Variants in LPO observed in about 807,000 individuals in gnomAD.
LPO encodes the protein salivary peroxidase.
LPO carries 70 observed loss-of-function variants against 68.4 expected under a neutral mutation model. That is an observed-to-expected ratio of 1.02 (90% CI 0.84 to 1.25). The LOEUF is 1.25. Among genes scored for constraint, LPO ranks in the 50% most tolerant of loss-of-function variants. The pLI is 0.00. For synonymous variants in LPO, 360 were observed against 357.6 expected, an observed-to-expected ratio of 1.01 and a Z score of -0.08; for missense variants, 873 against 908.4, an observed-to-expected ratio of 0.96 and a Z score of 0.50.
rs1445870585 is a variant in LPO at position 58,249,101 on chromosome 17, T to G, written c.367T>G (p.Cys123Gly). 6.2e-7 allele frequency: 1 copy of G among 1,614,068 alleles called. No homozygotes were observed. The highest frequency in any genetic ancestry group is 8.5e-7 in the Non-Finnish European group (1 of 1,180,038). The change falls in exon 5 of 13, where the codon TGT becomes GGT. Residue 123 changes from cysteine to glycine, a missense_variant. Transcript: ENST00000262290. ...GACTTCACTGTCTCTGGAGGTGGGC[T>G]GTGGTGCTCCTGCTCCCGTGGTGAG... ...DLTSLSLEVG[C>G]GAPAPVVRCD...
chr17:58,254,660 C>G (rs904502517), intron 8 of LPO, 151 bp from the exon 9 acceptor site: 33 of 659,290 alleles, frequency 5.0e-5, no homozygotes, highest in Non-Finnish European at 8.4e-5. Context: ...TACCCCCTCC[C>G]CATCCCTATT....
chr17:58,265,183 T>C (rs1278044518), intron 10 of LPO, among the ~76,000 whole-genome samples: 2 of 152,202 alleles, frequency 1.3e-5, no homozygotes, highest in Non-Finnish European at 2.9e-5. Flanking sequence ...AAATGAGATA[T>C]ACATGTGGAG....
At chr17:58,261,710 A>G (rs2143937237) in intron 9 of LPO, among the ~76,000 whole-genome samples, 1 of 151,780 alleles carries the variant, frequency 6.6e-6, no homozygotes, top group African/African-American at 2.4e-5. Flanking sequence ...TCTTCCTCTA[A>G]TATTGTTTTT....
At chr17:58,260,102 C>T (rs1970148757) in intron 9 of LPO, among the ~76,000 whole-genome samples, 1 of 152,226 alleles carries the variant, frequency 6.6e-6, no homozygotes, top group African/African-American at 2.4e-5. Context: ...CGTGAGCCAC[C>T]ATGCCCAGCC....
intron 1 of LPO, among the ~76,000 whole-genome samples, chr17:58,239,674 C>A (rs1969718907): frequency 6.6e-6 from 1 of 152,124 alleles, no homozygotes; most frequent in African/African-American, 2.4e-5. Flanking sequence ...TTGGTGACTG[C>A]TCAGCGACAT....
rs562955896 is a variant in LPO, at chr17:58,243,010, C to T, written c.31C>T (p.Leu11=). Residue 11 remains leucine, a synonymous_variant, in exon 2 of 13, where the codon CTG becomes TTG. Coordinates refer to ENST00000262290, the MANE Select transcript of LPO (RefSeq NM_006151.3). MRVLLHLPAL[L]ASLILLQAAA... is the part of the protein sequence containing the mutation. ...GGTCCTTCTCCATCTCCCAGCCCTC[C>T]TGGCTTCCCTCATCTTGCTTCAGGC... is the stretch of plus-strand genomic sequence containing the variant. 2 of 1,614,144 alleles carry T rather than the reference C, an allele frequency of 1.2e-6. No homozygotes were observed. Among genetic ancestry groups the T allele is most frequent in the African/African-American group, 1.3e-5 (1 of 75,072 alleles).
In LPO at chr17:58,252,217, G is replaced by A; in HGVS notation, c.816G>A (p.Gly272=). 2 of 1,614,122 alleles carry A rather than the reference G, an allele frequency of 1.2e-6. No individual in the cohort carries two copies. The highest frequency in any genetic ancestry group is 1.7e-6 in the Non-Finnish European group (2 of 1,180,018). ...ATGACCCCAAGGCGGGGACTCAAGG[G>A]AAATGCATGCCTTTCTTCCGAGCTG... ...PPNDPKAGTQ[G]KCMPFFRAGF... is the part of the protein sequence containing the mutation. Residue 272 remains glycine (G), a synonymous_variant, in exon 8 of 13, where the codon GGG becomes GGA. Coordinates refer to ENST00000262290, the MANE Select transcript of LPO (RefSeq NM_006151.3).
chr17:58,250,682 T>C (rs772522031), intron 7 of LPO, 61 bp downstream of exon 7: 163 of 1,525,978 alleles, frequency 1.1e-4, no homozygotes, highest in Non-Finnish European at 1.3e-4. Flanking sequence ...GTAGCAGACA[T>C]TCCCAGCTCA....
At chr17:58,249,515 G>A (rs1375897287) in intron 5 of LPO, 51 bp from the exon 6 acceptor site, 1 of 1,584,334 alleles carries the variant, frequency 6.3e-7, no homozygotes, top group East Asian at 2.3e-5. Flanking sequence ...CTGGGCTTTG[G>A]AGCCCCGGAG....
Position 58,254,460 on chromosome 17 carries a change from G to A in LPO, c.1106-351G>A, listed in dbSNP as rs149046220. ...TTCGAAGCTCCCCTTCCTAGAAGGC[G>A]GTTGGGTTATAATTAGCAAAATGTT... On this transcript the variant is annotated intron_variant, in intron 8 of 12. Coordinates refer to ENST00000262290, the MANE Select transcript of LPO (RefSeq NM_006151.3). 1.3e-3 allele frequency: 205 copies of A among 161,286 alleles called. 4 individuals are homozygous for A. The South Asian group carries it at 0.025, about 20-fold the overall frequency. The allele number at this position is 161,286 out of a possible 1,614,324, so 10.0% of individuals were successfully genotyped here.
chr17:58,255,990 T>C (rs974171401), intron 9 of LPO, among the ~76,000 whole-genome samples: 1 of 152,112 alleles, frequency 6.6e-6, no homozygotes, highest in Non-Finnish European at 1.5e-5. Flanking sequence ...TCATGCTATC[T>C]CTTCATAGCC....
At chr17:58,247,421 C>A in intron 3 of LPO, 57 bp from the exon 4 acceptor site, 1 of 1,533,374 alleles carries the variant, frequency 6.5e-7, no homozygotes, top group South Asian at 1.2e-5. Flanking sequence ...CCTCCAGCGG[C>A]CCCCAGCCCC....
At chr17:58,265,104 G>A (rs1970239311) in intron 10 of LPO, 130 bp downstream of exon 10, 1 of 1,199,256 alleles carries the variant, frequency 8.3e-7, no homozygotes, top group Admixed American at 2.5e-5. Context: ...ACCTCACTGA[G>A]CCTCAGTTTC....
intron 11 of LPO, 101 bp downstream of exon 11, chr17:58,266,427 C>T: frequency 7.6e-7 from 1 of 1,308,774 alleles, no homozygotes; most frequent in Non-Finnish European, 1.0e-6. Context: ...ATCATCTGAT[C>T]AATTCTGAAA....
At position 58,268,213 on chromosome 17, in the gene LPO, G is replaced by A. The variant is rs1044010939; in HGVS notation, c.*219G>A. ...TCCAGTGGCTTCTCCTTTCTGTCAA[G>A]ACTTAGCCCCGCTGAGATGCCCTTC... On this transcript the variant is annotated 3_prime_UTR_variant, in exon 13 of 13. Transcript: ENST00000262290. The A allele has an allele frequency of 1.9e-5, 11 of 567,936 alleles. No homozygotes were observed. The South Asian group carries it at 2.2e-4, about 12-fold the overall frequency. The allele number at this position is 567,936 out of a possible 1,614,324, so 35.2% of individuals were successfully genotyped here.
intron 10 of LPO, among the ~76,000 whole-genome samples, chr17:58,265,573 C>CTTTTTT (rs71365866): frequency 1.2e-5 from 1 of 85,224 alleles, no homozygotes; most frequent in Non-Finnish European, 2.1e-5. Context: ...TTAAAAATAC[C>CTTTTTT]TTTTTTTTTT....
rs1031552902 is a variant in LPO, at chr17:58,250,334, A to G, written c.574-81A>G. 8 of 1,050,876 alleles carry G rather than the reference A, an allele frequency of 7.6e-6. No homozygotes were observed. In the African/African-American group the frequency reaches 1.1e-4, roughly 14 times the overall value. The allele number at this position is 1,050,876 out of a possible 1,614,324, so 65.1% of individuals were successfully genotyped here. On this transcript the variant is annotated intron_variant, in intron 6 of 12. Transcript: ENST00000262290. ...TAAGTGCACTTGTAACATGGTAGGT[A>G]GTTAATAAGCTGTAGTTGCATCTGA...
Position 58,243,901 on chromosome 17 carries a change from G to C in LPO, c.77-93G>C, listed in dbSNP as rs8178295. ...GCCTACCCAGATTTGAGGGGTGGGG[G>C]TAATGGCCGAGAAAGAGGGAGACAA... On this transcript the variant is annotated intron_variant, in intron 2 of 12. Coordinates refer to ENST00000262290, the MANE Select transcript of LPO (RefSeq NM_006151.3). 6,428 of 803,996 alleles carry C rather than the reference G, an allele frequency of 8.0e-3. 276 individuals carry two copies. The African/African-American group carries it at 0.094, about 12-fold the overall frequency. The allele number at this position is 803,996 out of a possible 1,614,324, so 49.8% of individuals were successfully genotyped here.
intron 8 of LPO, among the ~76,000 whole-genome samples, chr17:58,253,767 T>G (rs1970008577): frequency 6.6e-6 from 1 of 152,204 alleles, no homozygotes; most frequent in South Asian, 2.1e-4. Flanking sequence ...ACCGAGTTCT[T>G]TCTTGTTTTT....
Sources: allele counts gnomAD v4.1 joint callset (sites outside exome capture counted in the v4.1 genomes callset), GRCh38; gene constraint gnomAD v4.1.1; transcripts MANE v1.5; gene names NCBI Gene and HGNC (gene_info 2026-07-23, HGNC 2026-07-21).